Variants in JADE1 observed in about 807,000 individuals in gnomAD.
JADE1 encodes the protein protein Jade-1.
In JADE1, 14 loss-of-function variants were observed where a neutral mutation model predicts 81.8. The ratio of observed to expected loss-of-function variants is 0.17; its 90% CI spans 0.11 to 0.27. The LOEUF is 0.27. Ranked by LOEUF, JADE1 falls within the 10% of genes least tolerant of loss-of-function variation. The pLI, the probability that JADE1 is intolerant of heterozygous loss-of-function variation, is 1.00. For missense variants in JADE1, 690 were observed against 1,047.9 expected (o/e 0.66, Z 4.71); for synonymous variants, 353 against 391.9 (o/e 0.90, Z 1.17).
chr4:128,831,884 T>A, intron 2 of JADE1, 74 bp downstream of exon 2: 1 of 1,297,820 alleles, frequency 7.7e-7, no homozygotes, highest in African/African-American at 1.5e-5. Flanking sequence ...TTTAATGTAA[T>A]GCTTTAAATT....
chr4:128,813,070 A>G (rs1310477826), intron 1 of JADE1, among the ~76,000 whole-genome samples: 1 of 152,208 alleles, frequency 6.6e-6, no homozygotes, highest in East Asian at 1.9e-4. Flanking sequence ...AAGCTAATGA[A>G]CTAGTTTTAA....
In JADE1 at chr4:128,824,480, C is replaced by T. The variant is rs971245304; in HGVS notation, c.-26-7253C>T. On this transcript the variant is annotated intron_variant, in intron 1 of 10. Transcript: ENST00000226319. The stretch of plus-strand genomic sequence containing the variant: ...AAATACTTAGTTTTATATAAGACCA[C>T]CTGGTTTCTGAAAATACATTCTTTA... Among the ~76,000 whole-genome samples, 5 of 152,020 alleles carry T rather than the reference C, an allele frequency of 3.3e-5. No homozygotes were observed. The South Asian group carries it at 8.3e-4, about 25-fold the overall frequency.
intron 1 of JADE1, chr4:128,812,119 C>G (rs1322744245): frequency 6.6e-6 from 1 of 152,200 alleles, no homozygotes; most frequent in Non-Finnish European, 1.5e-5. Flanking sequence ...GGAGGAGCTG[C>G]CGCGGCGGGG....
At chr4:128,851,965 A>G (rs1730393299) in intron 5 of JADE1, 92 bp from the exon 6 acceptor site, 1 of 790,794 alleles carries the variant, frequency 1.3e-6, no homozygotes, top group Admixed American at 2.5e-5. Context: ...TTCATTATAC[A>G]TTATTTTTAA....
intron 1 of JADE1, among the ~76,000 whole-genome samples, chr4:128,826,489 C>A (rs1438295018): frequency 6.6e-6 from 1 of 151,574 alleles, no homozygotes. Context: ...TCCTGAGTAG[C>A]TGGGACTACA....
chr4:128,810,306 GA>G (rs1312502326), intron 1 of JADE1: 1 of 151,674 alleles, frequency 6.6e-6, no homozygotes, highest in Non-Finnish European at 1.5e-5. Flanking sequence ...GTTTTATTAT[GA>G]TTTTTTTTTT....
intron 5 of JADE1, among the ~76,000 whole-genome samples, chr4:128,851,136 G>A (rs901190481): frequency 6.6e-6 from 1 of 152,136 alleles, no homozygotes; most frequent in African/African-American, 2.4e-5. Flanking sequence ...TCGCCGTATT[G>A]GCCAGGTTGG....
chr4:128,824,755 G>T (rs1261969372), intron 1 of JADE1, among the ~76,000 whole-genome samples: 1 of 152,142 alleles, frequency 6.6e-6, no homozygotes, highest in Non-Finnish European at 1.5e-5. Flanking sequence ...CTTTAATTGA[G>T]TACCTTCTAG....
intron 1 of JADE1, among the ~76,000 whole-genome samples, chr4:128,828,577 G>T (rs143657483): frequency 6.6e-6 from 1 of 152,204 alleles, no homozygotes; most frequent in African/African-American, 2.4e-5. Context: ...TTCAGCGGAT[G>T]AAAATGGATT....
At chr4:128,844,756 A>G (rs1451418671) in intron 3 of JADE1, among the ~76,000 whole-genome samples, 1 of 152,108 alleles carries the variant, frequency 6.6e-6, no homozygotes, top group African/African-American at 2.4e-5. Context: ...GCATGGCCTA[A>G]TTCTTGCTTG....
chr4:128,858,834 T>C (rs1731027595), intron 8 of JADE1, among the ~76,000 whole-genome samples: 1 of 152,114 alleles, frequency 6.6e-6, no homozygotes, highest in South Asian at 2.1e-4. Flanking sequence ...GGTCTCGAAC[T>C]CCTGACCTCG....
chr4:128,835,881 G>A (rs1215471077), intron 2 of JADE1, among the ~76,000 whole-genome samples: 2 of 152,212 alleles, frequency 1.3e-5, no homozygotes, highest in Non-Finnish European at 2.9e-5. Context: ...GGGACGGACA[G>A]GCATTTTCTG....
At position 128,872,341 on chromosome 4, in the gene JADE1, A is replaced by G; in HGVS notation, c.*79A>G. ...GAGAGCTCTGATGTGGGGGAGAAGC[A>G]GAAACCCATTAATCCTGAGCTACAC... is the stretch of plus-strand genomic sequence containing the variant. On this transcript the variant is annotated 3_prime_UTR_variant, in exon 11 of 11. Transcript: ENST00000226319. 8.2e-7 allele frequency: 1 copy of G among 1,219,300 alleles called. No homozygotes were observed. Among genetic ancestry groups the G allele is most frequent in the Non-Finnish European group, 1.2e-6 (1 of 859,122 alleles). The allele number at this position is 1,219,300 out of a possible 1,614,324, so 75.5% of individuals were successfully genotyped here.
In JADE1 at chr4:128,874,574, G is replaced by A. The variant is rs535975540; in HGVS notation, c.*2312G>A. The A allele has an allele frequency of 2.6e-5, 4 of 152,426 alleles. No homozygotes were observed. The highest frequency in any genetic ancestry group is 1.9e-4 in the East Asian group (1 of 5,180). 9.4% of individuals were successfully genotyped at this position (152,426 alleles called of 1,614,324 possible). A position where few individuals can be genotyped will look rare whatever the true frequency, so the allele number is the denominator to read the frequency against. On this transcript the variant is annotated 3_prime_UTR_variant, in exon 11 of 11. Coordinates refer to ENST00000226319, the MANE Select transcript of JADE1 (RefSeq NM_199320.4). ...AGCCCACACTTTTTATTCCTGCTTC[G>A]AAATGCAAATGGATAGAGCACGGTT...
chr4:128,871,576 C>T lies in JADE1; in HGVS notation c.1843C>T (p.Pro615Ser). The T allele has an allele frequency of 3.7e-6, 6 of 1,614,146 alleles. No individual in the cohort carries two copies. Among genetic ancestry groups the T allele is most frequent in the Non-Finnish European group, 5.1e-6 (6 of 1,180,016 alleles). Residue 615 changes from proline to serine, a missense_variant, in exon 11 of 11, where the codon CCA becomes TCA. This residue lies in a region of JADE1 where 5 missense variants were observed against 22.7 expected (regional missense o/e 0.22). Transcript: ENST00000226319. The surrounding 1 kb of genome is among the most constrained non-coding windows in gnomAD (Gnocchi z 4.1). ...GSEGKTLLKQ[P>S]DLCGRREGMV... ...TGAAGGCAAAACCCTGCTGAAGCAGCCAGACCTGTGTGGTAGAAGGGAGGG... is the reference window on the plus strand; with the variant it reads ...TGAAGGCAAAACCCTGCTGAAGCAGTCAGACCTGTGTGGTAGAAGGGAGGG...
chr4:128,851,424 AGTT>A (rs1437565969), intron 5 of JADE1, among the ~76,000 whole-genome samples: 2 of 152,166 alleles, frequency 1.3e-5, no homozygotes, highest in Non-Finnish European at 2.9e-5. Flanking sequence ...CTTACGTGTT[AGTT>A]GTTATGTGTA....
In JADE1 at chr4:128,819,671, T is replaced by C. The variant is rs940266523; in HGVS notation, c.-27+9794T>C. 7.9e-5 allele frequency among the ~76,000 whole-genome samples: 12 copies of C among 152,388 alleles called. No individual in the cohort carries two copies. The East Asian group carries it at 2.1e-3, about 27-fold the overall frequency. On this transcript the variant is annotated intron_variant, in intron 1 of 10. Coordinates refer to ENST00000226319, the MANE Select transcript of JADE1 (RefSeq NM_199320.4). ...TCTTCCAGCTTTACCTTTTGTGTGC[T>C]TCACTATGCAAAATGAATGGCATTT...
At chr4:128,826,205 C>T (rs1221741129) in intron 1 of JADE1, among the ~76,000 whole-genome samples, 2 of 152,122 alleles carry the variant, frequency 1.3e-5, no homozygotes, top group South Asian at 2.1e-4. Context: ...CAGGGTGAGC[C>T]GTGTCGACTG....
chr4:128,811,177 G>C (rs1039240887), intron 1 of JADE1: 15 of 152,362 alleles, frequency 9.8e-5, no homozygotes, highest in African/African-American at 3.6e-4. Context: ...CCGGGGAACC[G>C]AATCCTGTCG....
Sources: gnomAD v4.1 joint callset for allele counts (sites outside exome capture counted in the v4.1 genomes callset) on GRCh38, gnomAD v4.1.1 for gene constraint, gnomAD v4.1.1 regional missense constraint, Gnocchi (gnomAD v3.1) non-coding constraint, MANE v1.5 for transcripts, NCBI Gene and HGNC (gene_info 2026-07-23, HGNC 2026-07-21) for gene names.